ATF6: variants seen among roughly 807,000 people sequenced by gnomAD.
ATF6 encodes the protein activating transcription factor 6.
Under a neutral mutation model 83.6 loss-of-function variants are expected in ATF6, and 53 were observed. The observed-to-expected ratio is 0.63, with a 90% CI of 0.51 to 0.80. The LOEUF is 0.80. Ranked by LOEUF, ATF6 falls within the 30% of genes least tolerant of loss-of-function variation. ATF6 has a pLI of 0.00. For synonymous variants in ATF6, 288 were observed against 285.8 expected (o/e 1.01, Z -0.08); for missense variants, 744 against 797.9 (o/e 0.93, Z 0.81).
intron 9 of ATF6, among the ~76,000 whole-genome samples, chr1:161,841,971 C>T (rs1686368710): frequency 6.6e-6 from 1 of 152,116 alleles, no homozygotes; most frequent in Non-Finnish European, 1.5e-5. Context: ...GGTGAAATGC[C>T]AGTTTACATA....
At chr1:161,820,680 G>A (rs1206968356) in intron 8 of ATF6, among the ~76,000 whole-genome samples, 1 of 152,046 alleles carries the variant, frequency 6.6e-6, no homozygotes, top group Non-Finnish European at 1.5e-5. Context: ...CCTGGGAGGC[G>A]GAGATTGCGG....
chr1:161,863,288 AT>A lies in ATF6; in HGVS notation c.1699del (p.Tyr567MetfsTer32). 1.9e-6 allele frequency: 3 copies of A among 1,611,656 alleles called. No individual in the cohort carries two copies. The highest frequency in any genetic ancestry group is 2.5e-6 in the Non-Finnish European group (3 of 1,177,860). ...AAGCCATCCGCAGAAGGGGAGACAC[AT>A]TTTATGTTGTGTCATTTCGAAGGGT... is the stretch of plus-strand genomic sequence containing the variant. ...FEAIRRRGDTFYVVSFRRDHL... is the reference protein window; with the variant it reads ...FEAIRRRGDTXYVVSFRRDHL... On this transcript the variant is annotated frameshift_variant, in exon 14 of 16. Coordinates refer to ENST00000367942, the MANE Select transcript of ATF6 (RefSeq NM_007348.4). LOFTEE classifies it high-confidence loss of function.
At position 161,812,366 on chromosome 1, in the gene ATF6, ATTTTCTTTTTTTTT is replaced by A. The variant is rs1557973538; in HGVS notation, c.910-7262_910-7249del. Among the ~76,000 whole-genome samples the A allele has an allele frequency of 4.4e-3, 166 of 37,586 alleles. 3 individuals are homozygous for A. The highest frequency in any genetic ancestry group is 0.014 in the African/African-American group (159 of 11,604). The allele number at this position is 37,586 out of a possible 152,430, so 24.7% of individuals were successfully genotyped here. A position where few individuals can be genotyped will look rare whatever the true frequency, so the allele number is the denominator to read the frequency against. On this transcript the variant is annotated intron_variant, in intron 7 of 15. Coordinates refer to ENST00000367942, the MANE Select transcript of ATF6 (RefSeq NM_007348.4). ...AATGGGAGCTGGAATGGGAGCAGGT[ATTTTCTTTTTTTTT>A]TTTTTTTTTTTTTTTTTTTTTTTTT...
At chr1:161,911,964 A>G (rs561811210) in intron 14 of ATF6, among the ~76,000 whole-genome samples, 2 of 152,314 alleles carry the variant, frequency 1.3e-5, no homozygotes, top group East Asian at 1.9e-4. Context: ...TTATACAGCT[A>G]TTTAGTGGCA....
chr1:161,786,392 AT>A (rs1489367330), intron 4 of ATF6, among the ~76,000 whole-genome samples: 2 of 151,784 alleles, frequency 1.3e-5, no homozygotes, highest in Non-Finnish European at 2.9e-5. Flanking sequence ...AGCTGCAAAT[AT>A]TTTTTCCCCA....
chr1:161,834,238 C>A (rs1483270431), intron 9 of ATF6, among the ~76,000 whole-genome samples: 1 of 152,120 alleles, frequency 6.6e-6, no homozygotes, highest in African/African-American at 2.4e-5. Flanking sequence ...GCCTGCCCTA[C>A]AAGAGCTCCG....
intron 2 of ATF6, among the ~76,000 whole-genome samples, chr1:161,781,696 T>A (rs1469278530): frequency 6.6e-6 from 1 of 152,222 alleles, no homozygotes; most frequent in Non-Finnish European, 1.5e-5. Flanking sequence ...CCTTACCTCT[T>A]TCCTAGTTGT....
At chr1:161,797,567 C>T (rs1033555481) in intron 6 of ATF6, among the ~76,000 whole-genome samples, 9 of 151,980 alleles carry the variant, frequency 5.9e-5, no homozygotes, top group Non-Finnish European at 1.0e-4. Flanking sequence ...GTCTCATTCA[C>T]GATAGCCAAA....
intron 14 of ATF6, among the ~76,000 whole-genome samples, chr1:161,911,242 CAG>C (rs1192774123): frequency 6.6e-6 from 1 of 152,188 alleles, no homozygotes; most frequent in Non-Finnish European, 1.5e-5. Flanking sequence ...GTTTTATCTC[CAG>C]TTTAACCATG....
At chr1:161,936,472 C>T (rs1688538179) in intron 15 of ATF6, among the ~76,000 whole-genome samples, 1 of 152,140 alleles carries the variant, frequency 6.6e-6, no homozygotes, top group African/African-American at 2.4e-5. Flanking sequence ...TTATTACACT[C>T]TTTAAGTTAT....
rs140809349 is a variant in ATF6, at chr1:161,879,706, A to G, written c.1719+16394A>G. Among the ~76,000 whole-genome samples, 1,076 of 152,170 alleles carry G rather than the reference A, an allele frequency of 7.1e-3. 5 individuals carry two copies. Among genetic ancestry groups the G allele is most frequent in the Non-Finnish European group, 0.01 (713 of 67,986 alleles). On this transcript the variant is annotated intron_variant, in intron 14 of 15. Transcript: ENST00000367942. The stretch of plus-strand genomic sequence containing the variant: ...TATGATAGTCACACTGTATTATTAT[A>G]TCTTTATGCAGTAGCTTTTATTTCT...
At chr1:161,952,469 A>G (rs1688884519) in intron 15 of ATF6, among the ~76,000 whole-genome samples, 1 of 151,930 alleles carries the variant, frequency 6.6e-6, no homozygotes, top group Non-Finnish European at 1.5e-5. Flanking sequence ...CCCCCATAGC[A>G]CTTATTCATC....
chr1:161,874,752 A>G (rs922749945), intron 14 of ATF6, among the ~76,000 whole-genome samples: 1 of 151,750 alleles, frequency 6.6e-6, no homozygotes, highest in African/African-American at 2.4e-5. Flanking sequence ...GGTAGGAGCA[A>G]TATGAACTAG....
intron 15 of ATF6, among the ~76,000 whole-genome samples, chr1:161,940,052 C>A (rs1025840823): frequency 4.6e-5 from 7 of 152,190 alleles, no homozygotes; most frequent in African/African-American, 1.2e-4. Context: ...TTCTCGAACA[C>A]CTGCCTGTTC....
chr1:161,905,760 C>A, intron 14 of ATF6, among the ~76,000 whole-genome samples: 1 of 152,110 alleles, frequency 6.6e-6, no homozygotes, highest in East Asian at 1.9e-4. Context: ...TTTGAAAAGG[C>A]TCTCTATTAT....
chr1:161,903,559 C>A (rs16823450), intron 14 of ATF6, among the ~76,000 whole-genome samples: 1 of 152,066 alleles, frequency 6.6e-6, no homozygotes, highest in Non-Finnish European at 1.5e-5. Context: ...TTAACTGTTG[C>A]GTTTCCTCAG....
chr1:161,805,773 T>A (rs748848921), intron 7 of ATF6, among the ~76,000 whole-genome samples: 1 of 151,772 alleles, frequency 6.6e-6, no homozygotes, highest in Non-Finnish European at 1.5e-5. Flanking sequence ...CTTTTGTGCC[T>A]TTAAACCAAA....
intron 14 of ATF6, among the ~76,000 whole-genome samples, chr1:161,877,484 T>C (rs903269769): frequency 1.1e-4 from 17 of 152,166 alleles, no homozygotes; most frequent in African/African-American, 4.1e-4. Context: ...AGAGCTTTAT[T>C]TGAGGCACTG....
At chr1:161,847,979 A>G (rs182493774) in intron 10 of ATF6, among the ~76,000 whole-genome samples, 34 of 152,228 alleles carry the variant, frequency 2.2e-4, no homozygotes, top group Admixed American at 2.0e-3. Flanking sequence ...TACTAGTTCA[A>G]ACTAAAAGTC....
Sources: gnomAD v4.1 joint callset for allele counts (sites outside exome capture counted in the v4.1 genomes callset) on GRCh38, gnomAD v4.1.1 for gene constraint, MANE v1.5 for transcripts, NCBI Gene and HGNC (gene_info 2026-07-23, HGNC 2026-07-21) for gene names.